ANXA13: variants seen among roughly 807,000 people sequenced by gnomAD.
ANXA13 encodes the protein annexin XIII.
ANXA13 carries 36 observed loss-of-function variants against 46.6 expected under a neutral mutation model. The ratio of observed to expected loss-of-function variants is 0.77; its 90% CI spans 0.59 to 1.02. The LOEUF (loss-of-function observed/expected upper bound fraction) is 1.02. Ranked by LOEUF, ANXA13 falls within the 50% of genes least tolerant of loss-of-function variation. ANXA13 has a pLI of 0.00. For synonymous variants in ANXA13, 163 were observed against 152.9 expected, an observed-to-expected ratio of 1.07 and a Z score of -0.49; for missense variants, 417 against 396.5, an observed-to-expected ratio of 1.05 and a Z score of -0.44.
At chr8:123,724,278 TGG>T (rs1813940758) in intron 1 of ANXA13, among the ~76,000 whole-genome samples, 1 of 152,094 alleles carries the variant, frequency 6.6e-6, no homozygotes, top group Non-Finnish European at 1.5e-5. Context: ...TAATACCAAA[TGG>T]AGAAAATAAT....
rs559028728 is a variant in ANXA13, at chr8:123,690,253, C to T, written c.643-1307G>A. On this transcript the variant is annotated intron_variant, in intron 8 of 10. Transcript: ENST00000419625. The surrounding 1 kb of genome is among the most constrained non-coding windows in gnomAD (Gnocchi z 4.6). ...ACTTTAAAAAATCCTCACATTAAACCGTTTTCCATTTCTATTGTTAATACC... is the reference window on the plus strand; with the variant it reads ...ACTTTAAAAAATCCTCACATTAAACTGTTTTCCATTTCTATTGTTAATACC... 3.3e-5 allele frequency among the ~76,000 whole-genome samples: 5 copies of T among 152,146 alleles called. No individual in the cohort carries two copies. The highest frequency in any genetic ancestry group is 9.7e-5 in the African/African-American group (4 of 41,420).
intron 10 of ANXA13, among the ~76,000 whole-genome samples, chr8:123,682,128 T>G (rs1204080243): frequency 3.9e-5 from 6 of 152,188 alleles, no homozygotes; most frequent in Admixed American, 2.0e-4. Flanking sequence ...GATGTGGAAT[T>G]AAGCAATTAA....
In ANXA13 at chr8:123,728,600, T is replaced by TGGGGGCTGAGC. The variant is rs1487140117; in HGVS notation, c.15+8709_15+8719dup. 5 of 152,114 alleles carry TGGGGGCTGAGC rather than the reference T, an allele frequency of 3.3e-5. No individual in the cohort carries two copies. In the East Asian group the frequency reaches 9.7e-4, roughly 29 times the overall value. 9.4% of individuals were successfully genotyped at this position (152,114 alleles called of 1,614,324 possible). ...AGATGGAATTGAAAAGTGAGAATAT[T>TGGGGGCTGAGC]GGGGGCTGAGCGGGGCCTTCATGGC... On this transcript the variant is annotated intron_variant, in intron 1 of 10. Transcript: ENST00000419625.
intron 8 of ANXA13, among the ~76,000 whole-genome samples, chr8:123,692,051 A>G (rs1236015866): frequency 6.6e-6 from 1 of 152,222 alleles, no homozygotes. Flanking sequence ...GCACGATTTG[A>G]AAGGAGCAGG....
chr8:123,693,376 C>A lies in ANXA13; in HGVS notation c.541-78G>T, dbSNP rs866719159. 46 of 1,274,630 alleles carry A rather than the reference C, an allele frequency of 3.6e-5. No homozygotes were observed. In the African/African-American group the frequency reaches 4.5e-4, roughly 12 times the overall value. 79.0% of individuals were successfully genotyped at this position (1,274,630 alleles called of 1,614,324 possible). On this transcript the variant is annotated intron_variant, in intron 7 of 10. Coordinates refer to ENST00000419625, the MANE Select transcript of ANXA13 (RefSeq NM_004306.4). Reference sequence around the variant, plus strand: ...TATGCAGTGCTGTGACTAGGCCTCACTGACAGGAAATTATAAACTATGCAT... The same window carrying A: ...TATGCAGTGCTGTGACTAGGCCTCAATGACAGGAAATTATAAACTATGCAT...
In ANXA13 at chr8:123,690,379, T is replaced by A. The variant is rs147097522; in HGVS notation, c.643-1433A>T. Among the ~76,000 whole-genome samples, 2 of 152,318 alleles carry A rather than the reference T, an allele frequency of 1.3e-5. No homozygotes were observed. The highest frequency in any genetic ancestry group is 2.9e-5 in the Non-Finnish European group (2 of 68,022). On this transcript the variant is annotated intron_variant, in intron 8 of 10. Transcript: ENST00000419625. This position sits in a 1 kb window ranked among gnomAD's most constrained non-coding sequence, Gnocchi z 4.6. The stretch of plus-strand genomic sequence containing the variant: ...GCTGGGAGGCGGGAGGTGGGCTCCT[T>A]TCCCTTGCCATTGGCATCTATACCA...
rs187629388 is a variant in ANXA13 at position 123,699,336 on chromosome 8, T to A, written c.187-777A>T. Among the ~76,000 whole-genome samples, 248 of 152,272 alleles carry A rather than the reference T, an allele frequency of 1.6e-3. 2 individuals are homozygous for A. The highest frequency in any genetic ancestry group is 1.1e-3 in the Non-Finnish European group (78 of 68,022). ...CTGAGACTACAGGTACACACTGCCA[T>A]GCTCGGCTAATTTTTAAATTTTTTT... On this transcript the variant is annotated intron_variant, in intron 3 of 10. Coordinates refer to ENST00000419625, the MANE Select transcript of ANXA13 (RefSeq NM_004306.4).
chr8:123,720,642 C>T lies in ANXA13; in HGVS notation c.16-7889G>A, dbSNP rs559645842. ...TAATAAGTATTTCATCAGCTATGAA[C>T]GTTTCCTGTGTCCCCGTGTGTGTGT... On this transcript the variant is annotated intron_variant, in intron 1 of 10. Coordinates refer to ENST00000419625, the MANE Select transcript of ANXA13 (RefSeq NM_004306.4). Among the ~76,000 whole-genome samples the T allele has an allele frequency of 6.5e-4, 94 of 145,134 alleles. 1 individual carries two copies. The highest frequency in any genetic ancestry group is 1.2e-3 in the Non-Finnish European group (80 of 66,802).
In ANXA13 at chr8:123,702,822, C is replaced by T. The variant is rs139943409; in HGVS notation, c.92-86G>A. 3,766 of 1,254,268 alleles carry T rather than the reference C, an allele frequency of 3.0e-3. 20 individuals are homozygous for T. Among genetic ancestry groups the T allele is most frequent in the Non-Finnish European group, 2.4e-3 (2,028 of 856,056 alleles). 77.7% of individuals were successfully genotyped at this position (1,254,268 alleles called of 1,614,324 possible). A position where few individuals can be genotyped will look rare whatever the true frequency, so the allele number is the denominator to read the frequency against. ...TTAGTCCAGGGTGAGGAAGCCAGGA[C>T]TCACAGCTTAAAGGTGGTTGGAGGT... On this transcript the variant is annotated intron_variant, in intron 2 of 10. Transcript: ENST00000419625.
At chr8:123,719,620 TAA>T (rs1813823565) in intron 1 of ANXA13, among the ~76,000 whole-genome samples, 1 of 152,070 alleles carries the variant, frequency 6.6e-6, no homozygotes, top group Admixed American at 6.6e-5. Flanking sequence ...AGCAATTAAA[TAA>T]AAGAGAGAGG....
At chr8:123,708,137 A>G (rs1297943872) in intron 2 of ANXA13, among the ~76,000 whole-genome samples, 1 of 152,162 alleles carries the variant, frequency 6.6e-6, no homozygotes, top group Non-Finnish European at 1.5e-5. Context: ...AAATACTTAC[A>G]ATGGTTTGAG....
intron 4 of ANXA13, among the ~76,000 whole-genome samples, chr8:123,697,484 A>G (rs1402986415): frequency 6.6e-6 from 1 of 152,128 alleles, no homozygotes; most frequent in Non-Finnish European, 1.5e-5. Context: ...AAAGGTTTGC[A>G]CCTGTAGCCT....
intron 2 of ANXA13, among the ~76,000 whole-genome samples, chr8:123,703,320 G>A (rs1813480128): frequency 6.6e-6 from 1 of 152,004 alleles, no homozygotes; most frequent in East Asian, 1.9e-4. Context: ...TACAGAGGCT[G>A]GAAGTATACT....
rs926781470 is a variant in ANXA13, at chr8:123,690,281, G to T, written c.643-1335C>A. Among the ~76,000 whole-genome samples the T allele has an allele frequency of 6.6e-6, 1 of 152,152 alleles. No individual in the cohort carries two copies. The highest frequency in any genetic ancestry group is 1.5e-5 in the Non-Finnish European group (1 of 68,030). On this transcript the variant is annotated intron_variant, in intron 8 of 10. Transcript: ENST00000419625. The surrounding 1 kb of genome is among the most constrained non-coding windows in gnomAD (Gnocchi z 4.6). ...TTTCCATTTCTATTGTTAATACCAGGCTAGAGCAGGGATTTTAAATTTTCT... is the reference window on the plus strand; with the variant it reads ...TTTCCATTTCTATTGTTAATACCAGTCTAGAGCAGGGATTTTAAATTTTCT...
At chr8:123,719,460 T>G (rs1421209598) in intron 1 of ANXA13, among the ~76,000 whole-genome samples, 3 of 152,220 alleles carry the variant, frequency 2.0e-5, no homozygotes, top group Admixed American at 1.3e-4. Context: ...ATAGTCCCTG[T>G]TCCCAGGGAA....
At chr8:123,693,147 T>C in intron 8 of ANXA13, 50 bp downstream of exon 8, 1 of 1,526,086 alleles carries the variant, frequency 6.6e-7, no homozygotes, top group Non-Finnish European at 9.1e-7. Context: ...TGGAAATAAC[T>C]TAAGACACTT....
At chr8:123,737,234 C>T (rs1375083596) in intron 1 of ANXA13, 86 bp downstream of exon 1, 2 of 1,272,186 alleles carry the variant, frequency 1.6e-6, no homozygotes, top group Non-Finnish European at 1.1e-6. Context: ...ATAAAGTATA[C>T]AAGTATCAGT....
At chr8:123,726,326 C>T (rs1361351486) in intron 1 of ANXA13, among the ~76,000 whole-genome samples, 1 of 152,232 alleles carries the variant, frequency 6.6e-6, no homozygotes, top group Non-Finnish European at 1.5e-5. Context: ...TCAAAGGTGA[C>T]TGCAGGGCTG....
intron 8 of ANXA13, among the ~76,000 whole-genome samples, chr8:123,691,626 C>A (rs1286761606): frequency 6.6e-6 from 1 of 152,146 alleles, no homozygotes; most frequent in Admixed American, 6.5e-5. Flanking sequence ...GGCACAGAAC[C>A]CTTAATAACT....
Sources: gnomAD v4.1 joint callset for allele counts (sites outside exome capture counted in the v4.1 genomes callset) on GRCh38, gnomAD v4.1.1 for gene constraint, Gnocchi (gnomAD v3.1) non-coding constraint, MANE v1.5 for transcripts, NCBI Gene and HGNC (gene_info 2026-07-23, HGNC 2026-07-21) for gene names.